RERE: variants seen among roughly 807,000 people sequenced by gnomAD.
RERE encodes arginine-glutamic acid dipeptide repeats, also known as arginine-glutamic acid dipeptide repeats protein.
Under a neutral mutation model 146.1 loss-of-function variants are expected in RERE, and 40 were observed. The ratio of observed to expected loss-of-function variants is 0.27; its 90% CI spans 0.21 to 0.36. The LOEUF is 0.36. Ranked by LOEUF, RERE falls within the 10% of genes least tolerant of loss-of-function variation. The pLI is 1.00. For synonymous variants in RERE, 1,003 were observed against 866.0 expected, an observed-to-expected ratio of 1.16 and a Z score of -2.78; for missense variants, 1,933 against 2,138.7, an observed-to-expected ratio of 0.90 and a Z score of 1.90.
intron 7 of RERE, among the ~76,000 whole-genome samples, chr1:8,527,873 C>CT (rs756174946): frequency 2.0e-5 from 3 of 152,196 alleles, no homozygotes; most frequent in Non-Finnish European, 4.4e-5. Flanking sequence ...GTCACCCACA[C>CT]TACCACCATG....
At chr1:8,387,158 A>G (rs1440458880) in intron 12 of RERE, among the ~76,000 whole-genome samples, 1 of 152,222 alleles carries the variant, frequency 6.6e-6, no homozygotes, top group East Asian at 1.9e-4. Context: ...AACAGCTTAG[A>G]AACAGATTCA....
Position 8,656,422 on chromosome 1 carries a change from A to T in RERE, c.-125T>A. Reference sequence around the variant, plus strand: ...CAGGGAAAATCCAACCACTCCAACAACCCCAACGTTTCAAAAATGCTAGGA... The same window carrying T: ...CAGGGAAAATCCAACCACTCCAACATCCCCAACGTTTCAAAAATGCTAGGA... On this transcript the variant is annotated 5_prime_UTR_variant, in exon 2 of 23. In the 5' UTR this introduces an upstream ATG that the reference lacks. Transcript: ENST00000400908. 1.6e-6 allele frequency: 2 copies of T among 1,267,262 alleles called. No individual in the cohort carries two copies. The highest frequency in any genetic ancestry group is 2.2e-6 in the Non-Finnish European group (2 of 924,226). The allele number at this position is 1,267,262 out of a possible 1,614,324, so 78.5% of individuals were successfully genotyped here. A position where few individuals can be genotyped will look rare whatever the true frequency, so the allele number is the denominator to read the frequency against.
chr1:8,491,114 G>A (rs1644974105), intron 10 of RERE, among the ~76,000 whole-genome samples: 1 of 150,554 alleles, frequency 6.6e-6, no homozygotes. Context: ...ATAGCTCTGG[G>A]CAACATTGTG....
chr1:8,380,886 G>A (rs773200851), intron 12 of RERE: 12 of 456,602 alleles, frequency 2.6e-5, no homozygotes, highest in African/African-American at 1.6e-4. Flanking sequence ...AGTGCTCAGC[G>A]CTGCTGTAAC....
intron 2 of RERE, among the ~76,000 whole-genome samples, chr1:8,641,650 G>C (rs1647178860): frequency 6.6e-6 from 1 of 152,114 alleles, no homozygotes; most frequent in Admixed American, 6.5e-5. Context: ...AGTACCTCCA[G>C]GTTCTGTGCT....
At chr1:8,413,825 G>A (rs950371971) in intron 12 of RERE, among the ~76,000 whole-genome samples, 3 of 151,984 alleles carry the variant, frequency 2.0e-5, no homozygotes, top group African/African-American at 4.8e-5. Flanking sequence ...GGAGGCCAAG[G>A]TGGGTGTATC....
intron 1 of RERE, among the ~76,000 whole-genome samples, chr1:8,696,597 G>C (rs753790300): frequency 2.0e-5 from 3 of 152,110 alleles, no homozygotes; most frequent in Non-Finnish European, 4.4e-5. Flanking sequence ...CTAGGCAACA[G>C]AGTGAGACAC....
intron 13 of RERE, among the ~76,000 whole-genome samples, chr1:8,365,302 T>C (rs959232774): frequency 4.6e-5 from 7 of 152,138 alleles, no homozygotes; most frequent in African/African-American, 1.4e-4. Context: ...TAAGGCACTT[T>C]TGCTACACCC....
intron 10 of RERE, among the ~76,000 whole-genome samples, chr1:8,489,822 G>A (rs888925068): frequency 6.6e-6 from 1 of 152,008 alleles, no homozygotes; most frequent in Non-Finnish European, 1.5e-5. Context: ...AGGCCCAGGT[G>A]GGAGGATCAC....
At chr1:8,531,059 A>T (rs189202228) in intron 7 of RERE, among the ~76,000 whole-genome samples, 1 of 147,468 alleles carries the variant, frequency 6.8e-6, no homozygotes, top group African/African-American at 2.6e-5. Flanking sequence ...CTATCTATCT[A>T]TCTATCTATC....
At chr1:8,801,547 G>C (rs1641591844) in intron 1 of RERE, among the ~76,000 whole-genome samples, 1 of 152,038 alleles carries the variant, frequency 6.6e-6, no homozygotes, top group Non-Finnish European at 1.5e-5. Flanking sequence ...GGGATTACAG[G>C]TGTGAGCCAC....
rs184406646 is a variant in RERE, at chr1:8,508,590, A to G, written c.879+37T>C. On this transcript the variant is annotated intron_variant, in intron 8 of 22. Transcript: ENST00000400908. ...AAGTGCCAGCAGAGTAATAAGAAAC[A>G]AAAACCTATTAAGGAAGCTATGAAA... 6 of 1,520,004 alleles carry G rather than the reference A, an allele frequency of 3.9e-6. No homozygotes were observed. The Admixed American group carries it at 8.5e-5, about 21-fold the overall frequency. The allele number at this position is 1,520,004 out of a possible 1,614,324, so 94.2% of individuals were successfully genotyped here.
chr1:8,770,072 G>C (rs1449145759), intron 1 of RERE, among the ~76,000 whole-genome samples: 5 of 152,140 alleles, frequency 3.3e-5, no homozygotes, highest in Admixed American at 6.5e-5. Flanking sequence ...TAACAGGCGT[G>C]AGCCACCGCG....
At chr1:8,500,822 G>A (rs1557660670) in intron 8 of RERE, among the ~76,000 whole-genome samples, 2 of 149,344 alleles carry the variant, frequency 1.3e-5, no homozygotes, top group African/African-American at 2.5e-5. Context: ...CTGCCCCGCC[G>A]CCCTGTCTGG....
At chr1:8,705,985 G>A (rs556193914) in intron 1 of RERE, among the ~76,000 whole-genome samples, 32 of 151,734 alleles carry the variant, frequency 2.1e-4, no homozygotes, top group African/African-American at 7.0e-4. Context: ...GCGTGGTGGC[G>A]GCCACCTGTA....
At chr1:8,393,385 C>G (rs1048177930) in intron 12 of RERE, among the ~76,000 whole-genome samples, 2 of 152,038 alleles carry the variant, frequency 1.3e-5, no homozygotes, top group Admixed American at 6.5e-5. Context: ...CCATAGCATC[C>G]ACATCATCTG....
chr1:8,412,171 A>C (rs2124457901), intron 12 of RERE, among the ~76,000 whole-genome samples: 1 of 152,316 alleles, frequency 6.6e-6, no homozygotes, highest in Admixed American at 6.5e-5. Context: ...CTTGCCAAAC[A>C]ACAATCAAAA....
At chr1:8,468,100 A>T (rs1644627557) in intron 10 of RERE, among the ~76,000 whole-genome samples, 1 of 152,210 alleles carries the variant, frequency 6.6e-6, no homozygotes, top group Admixed American at 6.5e-5. Context: ...CAACTATCTT[A>T]AAACAAAACA....
chr1:8,814,717 T>C (rs978622591), intron 1 of RERE, among the ~76,000 whole-genome samples: 3 of 152,240 alleles, frequency 2.0e-5, no homozygotes, highest in South Asian at 4.1e-4. Context: ...CTAAAAACTT[T>C]TTTAAAAGAC....
Sources: gnomAD v4.1 joint callset for allele counts (sites outside exome capture counted in the v4.1 genomes callset) on GRCh38, gnomAD v4.1.1 for gene constraint, MANE v1.5 for transcripts, NCBI Gene and HGNC (gene_info 2026-07-23, HGNC 2026-07-21) for gene names.